Variants in SHISA6 observed in about 807,000 individuals in gnomAD.
SHISA6 encodes the protein shisa family member 6.
SHISA6 carries 22 observed loss-of-function variants against 47.9 expected under a neutral mutation model. The ratio of observed to expected loss-of-function variants is 0.46; its 90% CI spans 0.33 to 0.66. The LOEUF (loss-of-function observed/expected upper bound fraction) is 0.66. Among genes scored for constraint, SHISA6 ranks in the 30% least tolerant of loss-of-function variants. The pLI is 0.02. For missense variants in SHISA6, 680 were observed against 764.6 expected, an observed-to-expected ratio of 0.89 and a Z score of 1.30; for synonymous variants, 388 against 337.8, an observed-to-expected ratio of 1.15 and a Z score of -1.63.
At chr17:11,406,842 CA>C (rs1388460151) in intron 3 of SHISA6, among the ~76,000 whole-genome samples, 2 of 152,134 alleles carry the variant, frequency 1.3e-5, no homozygotes, top group Non-Finnish European at 2.9e-5. Flanking sequence ...GTCCACACCC[CA>C]CGAGAGTATA....
chr17:11,407,591 T>G (rs533633167), intron 3 of SHISA6, among the ~76,000 whole-genome samples: 1 of 152,278 alleles, frequency 6.6e-6, no homozygotes, highest in African/African-American at 2.4e-5. Context: ...CTAACTTACT[T>G]ATAAAAACAA....
intron 3 of SHISA6, among the ~76,000 whole-genome samples, chr17:11,531,740 C>T (rs763137125): frequency 1.8e-4 from 27 of 152,094 alleles, no homozygotes; most frequent in African/African-American, 5.1e-4. Context: ...ATGCCTTAGA[C>T]GGGAGGAATA....
intron 3 of SHISA6, among the ~76,000 whole-genome samples, chr17:11,533,333 G>A (rs994279985): frequency 1.3e-5 from 2 of 152,018 alleles, no homozygotes; most frequent in Admixed American, 6.6e-5. Flanking sequence ...TTGCCATGCC[G>A]TCAACAGCCT....
chr17:11,352,029 G>C (rs1291923077), intron 2 of SHISA6, among the ~76,000 whole-genome samples: 2 of 152,208 alleles, frequency 1.3e-5, no homozygotes, highest in East Asian at 3.9e-4. Flanking sequence ...TCAAGATGTT[G>C]GACACGTAGG....
chr17:11,321,215 T>C (rs1446223888), intron 2 of SHISA6, among the ~76,000 whole-genome samples: 3 of 152,168 alleles, frequency 2.0e-5, no homozygotes, highest in Admixed American at 6.5e-5. Flanking sequence ...AATGGAGATA[T>C]AGGATTTTAG....
chr17:11,404,322 C>T (rs915551524), intron 3 of SHISA6, among the ~76,000 whole-genome samples: 3 of 152,138 alleles, frequency 2.0e-5, no homozygotes, highest in Non-Finnish European at 2.9e-5. Context: ...CATCGGGAGA[C>T]GTGAACTGGA....
At chr17:11,378,439 C>T (rs1414809484) in intron 2 of SHISA6, among the ~76,000 whole-genome samples, 1 of 152,134 alleles carries the variant, frequency 6.6e-6, no homozygotes, top group African/African-American at 2.4e-5. Flanking sequence ...AACATTATAT[C>T]TGAAGTAGGC....
chr17:11,282,764 C>T (rs1017464630), intron 2 of SHISA6, among the ~76,000 whole-genome samples: 1 of 152,168 alleles, frequency 6.6e-6, no homozygotes, highest in Admixed American at 6.5e-5. Flanking sequence ...CCCGGAGAGA[C>T]AAATGAATAA....
chr17:11,275,305 G>A (rs1464048357), intron 2 of SHISA6, among the ~76,000 whole-genome samples: 1 of 152,092 alleles, frequency 6.6e-6, no homozygotes, highest in African/African-American at 2.4e-5. Flanking sequence ...AAGGGGCTTG[G>A]AGAGGAGGCT....
chr17:11,291,935 T>C (rs571534635), intron 2 of SHISA6, among the ~76,000 whole-genome samples: 46 of 152,310 alleles, frequency 3.0e-4, no homozygotes, highest in Admixed American at 2.9e-3. Flanking sequence ...ATATTTATGG[T>C]ACTGTTCTGA....
At chr17:11,519,517 T>C (rs1045428254) in intron 3 of SHISA6, among the ~76,000 whole-genome samples, 6 of 152,188 alleles carry the variant, frequency 3.9e-5, no homozygotes, top group African/African-American at 7.2e-5. Flanking sequence ...TTGTTGTTTA[T>C]TGGGGACAGA....
intron 3 of SHISA6, among the ~76,000 whole-genome samples, chr17:11,428,464 A>G (rs975659899): frequency 5.9e-5 from 9 of 152,252 alleles, no homozygotes; most frequent in Non-Finnish European, 1.2e-4. Flanking sequence ...GAGGCTGAGC[A>G]TGAGGACTGG....
intron 3 of SHISA6, among the ~76,000 whole-genome samples, chr17:11,418,765 C>T (rs564363884): frequency 6.6e-6 from 1 of 152,330 alleles, no homozygotes; most frequent in African/African-American, 2.4e-5. Flanking sequence ...GCCACCCCAC[C>T]TGCCTACTGC....
At position 11,379,478 on chromosome 17, in the gene SHISA6, A is replaced by G. The variant is rs1387277411; in HGVS notation, c.864A>G (p.Gly288=). The G allele has an allele frequency of 6.5e-7, 1 of 1,540,600 alleles. No individual in the cohort carries two copies. The highest frequency in any genetic ancestry group is 1.2e-5 in the South Asian group (1 of 82,306). ...ATCTCCATAACTTCATCTCATCTGG[A>G]TTTGTCACATTAGGAAGAGGACACA... ...GPDLHNFISS[G]FVTLGRGHTK... Residue 288 remains glycine, a synonymous_variant, in exon 3 of 6, where the codon GGA becomes GGG. Transcript: ENST00000441885.
intron 3 of SHISA6, among the ~76,000 whole-genome samples, chr17:11,396,063 T>A (rs1404529126): frequency 6.6e-6 from 1 of 152,228 alleles, no homozygotes; most frequent in Non-Finnish European, 1.5e-5. Context: ...ATCCTTCAGT[T>A]CCTATTGTCT....
intron 2 of SHISA6, among the ~76,000 whole-genome samples, chr17:11,369,140 G>A (rs981005566): frequency 6.6e-6 from 1 of 152,142 alleles, no homozygotes; most frequent in African/African-American, 2.4e-5. Flanking sequence ...GATATGCCTA[G>A]GGCCATTTGG....
chr17:11,463,708 T>C (rs1915744974), intron 3 of SHISA6, among the ~76,000 whole-genome samples: 1 of 152,212 alleles, frequency 6.6e-6, no homozygotes, highest in Admixed American at 6.5e-5. Flanking sequence ...AGGTTCTTAT[T>C]TGAACAGCTA....
At chr17:11,386,205 GT>G (rs927137181) in intron 3 of SHISA6, among the ~76,000 whole-genome samples, 54 of 152,060 alleles carry the variant, frequency 3.6e-4, no homozygotes, top group African/African-American at 1.2e-3. Context: ...GCGAAACCCC[GT>G]CTCTACTAAA....
intron 2 of SHISA6, among the ~76,000 whole-genome samples, chr17:11,317,138 T>A (rs1910551067): frequency 6.6e-6 from 1 of 152,134 alleles, no homozygotes; most frequent in South Asian, 2.1e-4. Context: ...TTTTTGTGTA[T>A]AATTTATATA....
Sources: allele counts gnomAD v4.1 joint callset (sites outside exome capture counted in the v4.1 genomes callset), GRCh38; gene constraint gnomAD v4.1.1; transcripts MANE v1.5; gene names NCBI Gene and HGNC (gene_info 2026-07-23, HGNC 2026-07-21).